Variants in ADAM28 observed in about 807,000 individuals in gnomAD.
ADAM28 encodes the protein ADAM metallopeptidase domain 28.
Under a neutral mutation model 101.2 loss-of-function variants are expected in ADAM28, and 105 were observed. The ratio of observed to expected loss-of-function variants is 1.04; its 90% CI spans 0.89 to 1.22. ADAM28 has a LOEUF of 1.22. Ranked by LOEUF, ADAM28 falls within the 50% of genes most tolerant of loss-of-function variation. The probability of loss-of-function intolerance (pLI) is 0.00; values close to 1 mark genes in which losing one functional copy is unlikely to be tolerated. For missense variants in ADAM28, 1,028 were observed against 945.4 expected, an observed-to-expected ratio of 1.09 and a Z score of -1.15; for synonymous variants, 322 against 310.6, an observed-to-expected ratio of 1.04 and a Z score of -0.39.
chr8:24,335,512 G>C lies in ADAM28; in HGVS notation c.1438G>C (p.Gly480Arg). 1 of 1,614,148 alleles carries C rather than the reference G, an allele frequency of 6.2e-7. No homozygotes were observed. Among genetic ancestry groups the C allele is most frequent in the South Asian group, 1.1e-5 (1 of 91,080 alleles). Residue 480 changes from glycine to arginine, a missense_variant, in exon 14 of 23, where the codon GGT becomes CGT. Gly to Arg is a moderately radical substitution (Grantham distance 125, BLOSUM62 -2). Coordinates refer to ENST00000265769, the MANE Select transcript of ADAM28 (RefSeq NM_014265.6). ...GTGCGACCTGCCTGAAATGTGTAATGGTAAATCTGGTAATTGTCCTGATGA... is the reference window on the plus strand; with the variant it reads ...GTGCGACCTGCCTGAAATGTGTAATCGTAAATCTGGTAATTGTCCTGATGA... ...DECDLPEMCN[G>R]KSGNCPDDRF...
Position 24,335,442 on chromosome 8 carries a change from A to G in ADAM28, c.1372-4A>G, listed in dbSNP as rs751984184. On this transcript the variant is annotated splice_polypyrimidine_tract_variant and splice_region_variant and intron_variant, in intron 13 of 22. Transcript: ENST00000265769. ...AAAAGCCTTCTATTTTTGTTTTTCT[A>G]CAGTTTAAAAAGGCTGGGATGGTGT... is the stretch of plus-strand genomic sequence containing the variant. 5 of 1,594,246 alleles carry G rather than the reference A, an allele frequency of 3.1e-6. No homozygotes were observed. The highest frequency in any genetic ancestry group is 4.5e-5 in the East Asian group (2 of 44,476).
intron 15 of ADAM28, among the ~76,000 whole-genome samples, chr8:24,340,475 C>A (rs1482598308): frequency 6.6e-6 from 1 of 152,124 alleles, no homozygotes; most frequent in East Asian, 1.9e-4. Context: ...AGAGGAAGGG[C>A]AATTGTAGGT....
At position 24,311,369 on chromosome 8, in the gene ADAM28, T is replaced by C. The variant is rs148685278; in HGVS notation, c.315T>C (p.Cys105=). 12 of 1,612,614 alleles carry C rather than the reference T, an allele frequency of 7.4e-6. No homozygotes were observed. The highest frequency in any genetic ancestry group is 4.5e-5 in the East Asian group (2 of 44,816). Residue 105 remains cysteine, a synonymous_variant, in exon 5 of 23, where the codon TGT becomes TGC. Coordinates refer to ENST00000265769, the MANE Select transcript of ADAM28 (RefSeq NM_014265.6). ...ITTSPQIMDD[C]YYQGHILNEK... ...AACCCCTTTTCCTTTAGGATGATTGTTATTATCAAGGACATATTCTTAATG... is the reference window on the plus strand; with the variant it reads ...AACCCCTTTTCCTTTAGGATGATTGCTATTATCAAGGACATATTCTTAATG...
intron 18 of ADAM28, 127 bp downstream of exon 18, chr8:24,343,711 C>G: frequency 1.2e-6 from 1 of 805,806 alleles, no homozygotes; most frequent in Non-Finnish European, 2.0e-6. Flanking sequence ...GATGTTGAAT[C>G]CACAATATTT....
chr8:24,300,152 G>C, intron 2 of ADAM28, 75 bp downstream of exon 2: 16 of 1,192,726 alleles, frequency 1.3e-5, no homozygotes, highest in Non-Finnish European at 1.9e-5. Flanking sequence ...TATCTATGAT[G>C]AGAGATAGAT....
intron 1 of ADAM28, 145 bp from the exon 2 acceptor site, chr8:24,299,829 T>G (rs1441830161): frequency 1.6e-5 from 9 of 579,468 alleles, no homozygotes; most frequent in African/African-American, 1.5e-4. Context: ...TCTCTTCTGG[T>G]GTCAGCACAT....
In ADAM28 at chr8:24,331,335, C is replaced by A; in HGVS notation, c.1281+8C>A. ...GATTGTGGGACATCTGAGGTATGGC[C>A]AATCACTTTCTAAAACGATCTAGTT... On this transcript the variant is annotated splice_region_variant and intron_variant, in intron 12 of 22. Transcript: ENST00000265769. 1 of 1,583,326 alleles carries A rather than the reference C, an allele frequency of 6.3e-7. No homozygotes were observed. The highest frequency in any genetic ancestry group is 8.6e-7 in the Non-Finnish European group (1 of 1,167,246).
At chr8:24,322,175 T>A (rs1016345376) in intron 8 of ADAM28, among the ~76,000 whole-genome samples, 3 of 151,992 alleles carry the variant, frequency 2.0e-5, no homozygotes, top group Non-Finnish European at 4.4e-5. Flanking sequence ...ACATTGATAA[T>A]GCAGGAAAGA....
intron 6 of ADAM28, among the ~76,000 whole-genome samples, chr8:24,319,940 C>T (rs908055880): frequency 1.3e-5 from 2 of 152,056 alleles, no homozygotes; most frequent in East Asian, 1.9e-4. Context: ...AAGAAGTCTA[C>T]TGTTCAAAAC....
intron 2 of ADAM28, among the ~76,000 whole-genome samples, chr8:24,308,085 C>T (rs1809943538): frequency 6.6e-6 from 1 of 152,158 alleles, no homozygotes; most frequent in African/African-American, 2.4e-5. Flanking sequence ...AGACCCATGT[C>T]ATTATTTTAG....
At position 24,332,752 on chromosome 8, in the gene ADAM28, A is replaced by G; in HGVS notation, c.1371+3A>G. On this transcript the variant is annotated splice_donor_region_variant and intron_variant, in intron 13 of 22. Transcript: ENST00000265769. ...GAGAATGTTGTGAAAAATGCCAAGT[A>G]AGATTATTTTATTCTATTTTAATAA... The G allele has an allele frequency of 1.8e-5, 25 of 1,418,224 alleles. No homozygotes were observed. Among genetic ancestry groups the G allele is most frequent in the Non-Finnish European group, 2.4e-5 (25 of 1,063,050 alleles). The allele number at this position is 1,418,224 out of a possible 1,614,324, so 87.9% of individuals were successfully genotyped here.
chr8:24,306,594 A>T (rs1236377569), intron 2 of ADAM28, among the ~76,000 whole-genome samples: 1 of 151,910 alleles, frequency 6.6e-6, no homozygotes, highest in Non-Finnish European at 1.5e-5. Context: ...TAGGATGCCC[A>T]GTTAAATTTC....
rs576442680 is a variant in ADAM28, at chr8:24,300,157, A to G, written c.150+80A>G. 33 of 1,182,186 alleles carry G rather than the reference A, an allele frequency of 2.8e-5. No homozygotes were observed. In the East Asian group the frequency reaches 4.3e-4, roughly 15 times the overall value. The allele number at this position is 1,182,186 out of a possible 1,614,324, so 73.2% of individuals were successfully genotyped here. A position where few individuals can be genotyped will look rare whatever the true frequency, so the allele number is the denominator to read the frequency against. On this transcript the variant is annotated intron_variant, in intron 2 of 22. Coordinates refer to ENST00000265769, the MANE Select transcript of ADAM28 (RefSeq NM_014265.6). ...TATATATATCTATCTATGATGAGAG[A>G]TAGATATGGGATTTATACATGTATG...
intron 13 of ADAM28, among the ~76,000 whole-genome samples, chr8:24,334,361 A>G (rs1033576018): frequency 6.6e-6 from 1 of 152,216 alleles, no homozygotes; most frequent in Non-Finnish European, 1.5e-5. Context: ...ACACATGCAA[A>G]GCCGAGATTC....
At chr8:24,302,777 T>A (rs1808972629) in intron 2 of ADAM28, among the ~76,000 whole-genome samples, 3 of 152,050 alleles carry the variant, frequency 2.0e-5, no homozygotes, top group Admixed American at 2.0e-4. Flanking sequence ...CCACTTTTTT[T>A]TAAAAATTAT....
intron 6 of ADAM28, among the ~76,000 whole-genome samples, chr8:24,319,766 T>C (rs1811626307): frequency 6.6e-6 from 1 of 151,524 alleles, no homozygotes; most frequent in Non-Finnish European, 1.5e-5. Flanking sequence ...GAGAACAAAG[T>C]AGACTAGAAA....
rs549833022 is a variant in ADAM28, at chr8:24,330,170, G to C, written c.1103+55G>C. 4.9e-5 allele frequency: 77 copies of C among 1,570,800 alleles called. 1 individual carries two copies. The South Asian group carries it at 8.6e-4, about 17-fold the overall frequency. On this transcript the variant is annotated intron_variant, in intron 11 of 22. Transcript: ENST00000265769. ...TATGTAGCCCTGGTTTTGATCCACT[G>C]TGGGCTGTACTACTTTAGGTCATCT... is the stretch of plus-strand genomic sequence containing the variant.
chr8:24,345,514 C>G (rs1296404475), intron 18 of ADAM28, among the ~76,000 whole-genome samples: 1 of 151,812 alleles, frequency 6.6e-6, no homozygotes, highest in Admixed American at 6.6e-5. Flanking sequence ...TTTTATGTGT[C>G]TTTGAAATAT....
At position 24,343,194 on chromosome 8, in the gene ADAM28, AAT is replaced by A. The variant is rs2129329559; in HGVS notation, c.1911+16_1911+17del. 1.9e-6 allele frequency: 3 copies of A among 1,612,608 alleles called. No individual in the cohort carries two copies. Among genetic ancestry groups the A allele is most frequent in the East Asian group, 2.2e-5 (1 of 44,864 alleles). ...CAAAGGACATGCTGTAAGTTCTGAA[AAT>A]ATGTTTCCCTAAGCTCTCTGAATCT... On this transcript the variant is annotated intron_variant, in intron 17 of 22. Transcript: ENST00000265769.
Sources: allele counts gnomAD v4.1 joint callset (sites outside exome capture counted in the v4.1 genomes callset), GRCh38; gene constraint gnomAD v4.1.1; transcripts MANE v1.5; gene names NCBI Gene and HGNC (gene_info 2026-07-23, HGNC 2026-07-21).